The following STX8 variants were observed in gnomAD, a reference collection of about 807,000 sequenced individuals.
STX8 encodes the protein syntaxin-8.
Under a neutral mutation model 37.5 loss-of-function variants are expected in STX8, and 23 were observed. The observed-to-expected ratio is 0.61, with a 90% confidence interval of 0.44 to 0.87. The LOEUF (loss-of-function observed/expected upper bound fraction) is 0.87. STX8 is among the 40% of genes least tolerant of loss of function. STX8 has a pLI of 0.00. For missense variants in STX8, 313 were observed against 284.7 expected (o/e 1.10, Z -0.71); for synonymous variants, 115 against 99.1 (o/e 1.16, Z -0.95).
At chr17:9,268,910 G>A (rs1326964716) in intron 7 of STX8, among the ~76,000 whole-genome samples, 13 of 152,196 alleles carry the variant, frequency 8.5e-5, no homozygotes, top group Admixed American at 5.9e-4. Context: ...AGGCCAGGCC[G>A]GGTGCAGTGG....
chr17:9,369,050 A>C (rs765822733), intron 7 of STX8, among the ~76,000 whole-genome samples: 2 of 152,142 alleles, frequency 1.3e-5, no homozygotes, highest in Admixed American at 6.6e-5. Flanking sequence ...CCTCCCAAGT[A>C]GCTGGGACTA....
At chr17:9,418,038 T>C (rs904942686) in intron 6 of STX8, among the ~76,000 whole-genome samples, 9 of 152,284 alleles carry the variant, frequency 5.9e-5, no homozygotes, top group South Asian at 2.1e-4. Flanking sequence ...TGGTAGAAGA[T>C]TGTGGGAACC....
chr17:9,442,788 G>A (rs887224415), intron 6 of STX8, among the ~76,000 whole-genome samples: 4 of 152,110 alleles, frequency 2.6e-5, no homozygotes, highest in African/African-American at 9.7e-5. Context: ...ACAGCACTGA[G>A]GGGCAAGCAT....
chr17:9,420,140 T>G (rs1449257579), intron 6 of STX8, among the ~76,000 whole-genome samples: 1 of 152,208 alleles, frequency 6.6e-6, no homozygotes, highest in African/African-American at 2.4e-5. Flanking sequence ...CAATGTGTAT[T>G]CTTAGATGGG....
At chr17:9,322,345 T>G (rs1909602072) in intron 7 of STX8, among the ~76,000 whole-genome samples, 2 of 150,884 alleles carry the variant, frequency 1.3e-5, no homozygotes, top group Non-Finnish European at 2.9e-5. Flanking sequence ...ATGTCTGATA[T>G]TTTCCTTTTG....
At chr17:9,272,144 G>T (rs556407553) in intron 7 of STX8, among the ~76,000 whole-genome samples, 2 of 152,336 alleles carry the variant, frequency 1.3e-5, no homozygotes, top group East Asian at 3.9e-4. Flanking sequence ...GTTCTGAGGG[G>T]GTGTGTGGGA....
intron 7 of STX8, among the ~76,000 whole-genome samples, chr17:9,281,601 C>G (rs1158702665): frequency 6.6e-6 from 1 of 152,092 alleles, no homozygotes; most frequent in Non-Finnish European, 1.5e-5. Flanking sequence ...TGTGAGTATC[C>G]TAACTGTGAA....
chr17:9,286,176 C>T (rs1017827544), intron 7 of STX8, among the ~76,000 whole-genome samples: 1 of 152,194 alleles, frequency 6.6e-6, no homozygotes, highest in Non-Finnish European at 1.5e-5. Context: ...TGATTTCAAA[C>T]CCCTGCCCAC....
chr17:9,489,128 C>G (rs181435766), intron 6 of STX8, among the ~76,000 whole-genome samples: 2 of 152,168 alleles, frequency 1.3e-5, no homozygotes, highest in East Asian at 3.9e-4. Flanking sequence ...CCATCCACCT[C>G]GGCCTCCCAA....
In STX8 at chr17:9,445,092, A is replaced by C. The variant is rs978965014; in HGVS notation, c.541+46737T>G. Among the ~76,000 whole-genome samples the C allele has an allele frequency of 5.3e-5, 8 of 152,134 alleles. 1 individual carries two copies. Among genetic ancestry groups the C allele is most frequent in the Non-Finnish European group, 1.2e-4 (8 of 68,028 alleles). On this transcript the variant is annotated intron_variant, in intron 6 of 7. Coordinates refer to ENST00000306357, the MANE Select transcript of STX8 (RefSeq NM_004853.3). ...AACTTAGGGAAGCTGAGCAGGTTGCAAGTGTATTATTCATGCACTCTCTGC... is the reference window on the plus strand; with the variant it reads ...AACTTAGGGAAGCTGAGCAGGTTGCCAGTGTATTATTCATGCACTCTCTGC...
At chr17:9,491,529 G>A (rs952165957) in intron 6 of STX8, among the ~76,000 whole-genome samples, 4 of 152,182 alleles carry the variant, frequency 2.6e-5, no homozygotes, top group Admixed American at 2.6e-4. Flanking sequence ...ACAAAGTGCT[G>A]AGCAATTTCA....
In STX8 at chr17:9,254,377, C is replaced by G. The variant is rs78713802; in HGVS notation, c.644-3732G>C. Among the ~76,000 whole-genome samples, 7 of 152,242 alleles carry G rather than the reference C, an allele frequency of 4.6e-5. No homozygotes were observed. The East Asian group carries it at 1.4e-3, about 29-fold the overall frequency. On this transcript the variant is annotated intron_variant, in intron 7 of 7. Coordinates refer to ENST00000306357, the MANE Select transcript of STX8 (RefSeq NM_004853.3). Reference sequence around the variant, plus strand: ...CAGTTACCTGTGCCCTCTTTGCCCCCCTAAGTTTCCATGGTAACTCTTATT... The same window carrying G: ...CAGTTACCTGTGCCCTCTTTGCCCCGCTAAGTTTCCATGGTAACTCTTATT...
intron 7 of STX8, among the ~76,000 whole-genome samples, chr17:9,330,988 G>C (rs1909944641): frequency 6.6e-6 from 1 of 152,168 alleles, no homozygotes; most frequent in Non-Finnish European, 1.5e-5. Context: ...CAGGCCTCCG[G>C]CGCCAACTCT....
intron 7 of STX8, among the ~76,000 whole-genome samples, chr17:9,343,427 T>C (rs1336349559): frequency 2.8e-5 from 1 of 35,600 alleles, no homozygotes; most frequent in Non-Finnish European, 7.0e-5. Context: ...TCATTGTAAC[T>C]GTTTTCTCTC....
intron 7 of STX8, among the ~76,000 whole-genome samples, chr17:9,375,503 T>C (rs559778665): frequency 1.3e-5 from 2 of 152,304 alleles, no homozygotes; most frequent in East Asian, 1.9e-4. Flanking sequence ...TATGAATATA[T>C]TCATTCCAAA....
intron 7 of STX8, among the ~76,000 whole-genome samples, chr17:9,322,287 C>A (rs1909600910): frequency 6.6e-6 from 1 of 152,208 alleles, no homozygotes; most frequent in African/African-American, 2.4e-5. Flanking sequence ...CCGGAATAAC[C>A]CTGGGTCTCA....
intron 7 of STX8, chr17:9,305,736 A>ATTTTT (rs1908960721): frequency 3.5e-5 from 4 of 114,850 alleles, no homozygotes; most frequent in African/African-American, 1.9e-4. Flanking sequence ...ATACAGGTGC[A>ATTTTT]TCTTTTTTTT....
chr17:9,409,009 T>C (rs1912892407), intron 6 of STX8, among the ~76,000 whole-genome samples: 1 of 151,334 alleles, frequency 6.6e-6, no homozygotes, highest in Non-Finnish European at 1.5e-5. Flanking sequence ...AGGTTCTCCC[T>C]ACCCCCCCTA....
intron 6 of STX8, among the ~76,000 whole-genome samples, chr17:9,429,055 C>G (rs1201038643): frequency 6.6e-6 from 1 of 151,942 alleles, no homozygotes; most frequent in Non-Finnish European, 1.5e-5. Flanking sequence ...ACATATTAAT[C>G]CTTAATTACC....
Sources: allele counts gnomAD v4.1 joint callset (sites outside exome capture counted in the v4.1 genomes callset), GRCh38; gene constraint gnomAD v4.1.1; transcripts MANE v1.5; gene names NCBI Gene and HGNC (gene_info 2026-07-23, HGNC 2026-07-21).